CNTNAP5: variants seen among roughly 807,000 people sequenced by gnomAD.
The protein encoded by CNTNAP5 is contactin-associated protein-like 5.
In CNTNAP5, 72 loss-of-function variants were observed where a neutral mutation model predicts 150.2. The observed-to-expected ratio is 0.48, with a 90% confidence interval of 0.40 to 0.58. The LOEUF (loss-of-function observed/expected upper bound fraction) is 0.58, where lower values mean the gene tolerates loss of function less well. Among genes scored for constraint, CNTNAP5 ranks in the 20% least tolerant of loss-of-function variants. The pLI is 0.00. For missense variants in CNTNAP5, 1,636 were observed against 1,626.2 expected (o/e 1.01, Z -0.10); for synonymous variants, 672 against 619.8 (o/e 1.08, Z -1.25).
chr2:124,027,908 T>C (rs1419869106), intron 1 of CNTNAP5, among the ~76,000 whole-genome samples: 2 of 152,226 alleles, frequency 1.3e-5, no homozygotes, highest in Admixed American at 6.5e-5. Context: ...TAACCTATGA[T>C]GCAGAAGCTC....
chr2:124,404,079 T>C (rs1691504731), intron 3 of CNTNAP5, among the ~76,000 whole-genome samples: 1 of 152,122 alleles, frequency 6.6e-6, no homozygotes, highest in Non-Finnish European at 1.5e-5. Context: ...CCAAACCGTA[T>C]CCGCAGGGAT....
At chr2:124,180,783 C>A (rs1466330434) in intron 1 of CNTNAP5, among the ~76,000 whole-genome samples, 1 of 129,786 alleles carries the variant, frequency 7.7e-6, no homozygotes, top group East Asian at 2.3e-4. Flanking sequence ...CCCCCAATCT[C>A]CCCCCAAATA....
At chr2:124,402,728 T>G (rs1558885038) in intron 3 of CNTNAP5, among the ~76,000 whole-genome samples, 2 of 152,188 alleles carry the variant, frequency 1.3e-5, no homozygotes, top group Non-Finnish European at 2.9e-5. Flanking sequence ...AAACGACAAG[T>G]AGATACACAC....
At chr2:124,495,839 T>C (rs1694130099) in intron 7 of CNTNAP5, among the ~76,000 whole-genome samples, 1 of 152,140 alleles carries the variant, frequency 6.6e-6, no homozygotes, top group African/African-American at 2.4e-5. Context: ...CTGTTTTCTC[T>C]TCCTCCACCC....
At chr2:124,316,468 G>A (rs1688961474) in intron 3 of CNTNAP5, among the ~76,000 whole-genome samples, 1 of 152,126 alleles carries the variant, frequency 6.6e-6, no homozygotes, top group South Asian at 2.1e-4. Context: ...TATACAAAAT[G>A]TAAGGAGGCT....
intron 3 of CNTNAP5, among the ~76,000 whole-genome samples, chr2:124,347,526 A>G (rs1413723649): frequency 6.6e-6 from 1 of 151,836 alleles, no homozygotes; most frequent in African/African-American, 2.4e-5. Flanking sequence ...ACTGCTCCAC[A>G]TGGGGTGATT....
chr2:124,362,132 C>T (rs1180645598), intron 3 of CNTNAP5, among the ~76,000 whole-genome samples: 1 of 152,262 alleles, frequency 6.6e-6, no homozygotes, highest in Non-Finnish European at 1.5e-5. Flanking sequence ...ACCCCTTGCG[C>T]TTCCCAAGTG....
At chr2:124,137,864 A>G (rs1414783852) in intron 1 of CNTNAP5, among the ~76,000 whole-genome samples, 1 of 152,020 alleles carries the variant, frequency 6.6e-6, no homozygotes. Context: ...GCTGAAGTCA[A>G]CAGCATCAGA....
At chr2:124,577,000 C>A (rs900164862) in intron 11 of CNTNAP5, among the ~76,000 whole-genome samples, 5 of 152,190 alleles carry the variant, frequency 3.3e-5, no homozygotes, top group African/African-American at 1.2e-4. Flanking sequence ...TGTTTTCTTG[C>A]AGACTTCTTC....
At chr2:124,794,604 T>C (rs1425317886) in intron 18 of CNTNAP5, among the ~76,000 whole-genome samples, 1 of 152,244 alleles carries the variant, frequency 6.6e-6, no homozygotes, top group African/African-American at 2.4e-5. Context: ...CCAGAAATCA[T>C]TTAATACTTA....
intron 11 of CNTNAP5, among the ~76,000 whole-genome samples, chr2:124,578,516 A>C (rs1696344689): frequency 6.6e-6 from 1 of 152,146 alleles, no homozygotes; most frequent in African/African-American, 2.4e-5. Context: ...AGAGGGAGAC[A>C]GCATCCCTAC....
chr2:124,380,506 GT>G (rs1321125270), intron 3 of CNTNAP5, among the ~76,000 whole-genome samples: 2 of 152,152 alleles, frequency 1.3e-5, no homozygotes, highest in Non-Finnish European at 2.9e-5. Context: ...AGTCCATTCT[GT>G]CTCCATCAAA....
intron 19 of CNTNAP5, among the ~76,000 whole-genome samples, chr2:124,833,882 T>G (rs1350275658): frequency 6.6e-6 from 1 of 151,930 alleles, no homozygotes; most frequent in African/African-American, 2.4e-5. Flanking sequence ...GGGGGGCATG[T>G]GCCCTGTCCT....
Position 124,297,394 on chromosome 2 carries a change from A to G in CNTNAP5, c.381+55001A>G. 1.3e-5 allele frequency among the ~76,000 whole-genome samples: 2 copies of G among 152,152 alleles called. 1 individual carries two copies. Among genetic ancestry groups the G allele is most frequent in the Admixed American group, 1.3e-4 (2 of 15,276 alleles). Reference sequence around the variant, plus strand: ...CTGGGAAAATGCACAGGAATGATACACCCTTTGGATCTTTACACTGAATTG... The same window carrying G: ...CTGGGAAAATGCACAGGAATGATACGCCCTTTGGATCTTTACACTGAATTG... On this transcript the variant is annotated intron_variant, in intron 3 of 23. Transcript: ENST00000682447.
intron 2 of CNTNAP5, among the ~76,000 whole-genome samples, chr2:124,237,515 G>GGTTTT (rs1305617313): frequency 1.3e-5 from 2 of 152,140 alleles, no homozygotes; most frequent in South Asian, 2.1e-4. Context: ...CAGGAGATCT[G>GGTTTT]GTTTTGTTTT....
At chr2:124,483,700 G>C (rs924696503) in intron 7 of CNTNAP5, among the ~76,000 whole-genome samples, 1 of 152,152 alleles carries the variant, frequency 6.6e-6, no homozygotes, top group Non-Finnish European at 1.5e-5. Context: ...GCATAACTTA[G>C]CATTTGAGTC....
chr2:124,775,135 A>G (rs1237353508), intron 17 of CNTNAP5, among the ~76,000 whole-genome samples: 1 of 152,182 alleles, frequency 6.6e-6, no homozygotes, highest in Non-Finnish European at 1.5e-5. Flanking sequence ...GGTCACTTTA[A>G]TGGTCTTTCA....
chr2:124,767,670 C>G (rs1053823375), intron 16 of CNTNAP5, among the ~76,000 whole-genome samples: 1 of 152,144 alleles, frequency 6.6e-6, no homozygotes, highest in Admixed American at 6.6e-5. Flanking sequence ...ACCCAGATGC[C>G]TTTGGCTGCA....
intron 7 of CNTNAP5, among the ~76,000 whole-genome samples, chr2:124,502,645 G>C (rs1694303364): frequency 6.6e-6 from 1 of 152,154 alleles, no homozygotes. Context: ...TTGTGATTTG[G>C]CTTCTTCCAA....
Sources: gnomAD v4.1 joint callset for allele counts (sites outside exome capture counted in the v4.1 genomes callset) on GRCh38, gnomAD v4.1.1 for gene constraint, MANE v1.5 for transcripts, NCBI Gene and HGNC (gene_info 2026-07-23, HGNC 2026-07-21) for gene names.